USP6NL: variants seen among roughly 807,000 people sequenced by gnomAD.
USP6NL encodes USP6 N-terminal-like protein.
A neutral mutation model predicts 61.9 loss-of-function variants in USP6NL; 26 were observed. The observed-to-expected ratio is 0.42, with a 90% CI of 0.31 to 0.58. USP6NL has a LOEUF of 0.58. USP6NL is among the 20% of genes least tolerant of loss of function. USP6NL has a pLI of 0.16. For synonymous variants in USP6NL, 432 were observed against 390.1 expected, an observed-to-expected ratio of 1.11 and a Z score of -1.27; for missense variants, 1,114 against 1,034.3, an observed-to-expected ratio of 1.08 and a Z score of -1.06.
In USP6NL at chr10:11,465,072, T is replaced by C. The variant is rs1832391036; in HGVS notation, c.1079-1223A>G. On this transcript the variant is annotated intron_variant, in intron 14 of 14. Coordinates refer to ENST00000609104, the MANE Select transcript of USP6NL (RefSeq NM_014688.5). This position sits in a 1 kb window ranked among gnomAD's most constrained non-coding sequence, Gnocchi z 4.5. Reference sequence around the variant, plus strand: ...TCATCCATTTAGTCCCAGATAAATATATGAATGCCTTCTTCCCTGTAGGCA... The same window carrying C: ...TCATCCATTTAGTCCCAGATAAATACATGAATGCCTTCTTCCCTGTAGGCA... Among the ~76,000 whole-genome samples the C allele has an allele frequency of 1.3e-5, 2 of 152,220 alleles. No individual in the cohort carries two copies. Among genetic ancestry groups the C allele is most frequent in the Admixed American group, 6.5e-5 (1 of 15,292 alleles).
Position 11,587,502 on chromosome 10 carries a change from C to T in USP6NL, c.4+10129G>A, listed in dbSNP as rs1838016481. ...AATATGACCCATAAATCTCTACAGCCTAATCAGAATCAGAGTCTTAAAATG... is the reference window on the plus strand; with the variant it reads ...AATATGACCCATAAATCTCTACAGCTTAATCAGAATCAGAGTCTTAAAATG... On this transcript the variant is annotated intron_variant, in intron 2 of 14. Transcript: ENST00000609104. This position sits in a 1 kb window ranked among gnomAD's most constrained non-coding sequence, Gnocchi z 4.5. Among the ~76,000 whole-genome samples the T allele has an allele frequency of 6.6e-6, 1 of 152,106 alleles. No individual in the cohort carries two copies. The highest frequency in any genetic ancestry group is 2.4e-5 in the African/African-American group (1 of 41,428).
chr10:11,516,375 T>C (rs1834958419), intron 5 of USP6NL, among the ~76,000 whole-genome samples: 3 of 152,252 alleles, frequency 2.0e-5, no homozygotes, highest in Non-Finnish European at 4.4e-5. Context: ...CTATCATTTC[T>C]AGACTTTATT....
In USP6NL at chr10:11,462,804, C is replaced by T. The variant is rs1295732831; in HGVS notation, c.2124G>A (p.Gly708=). The T allele has an allele frequency of 6.2e-7, 1 of 1,613,844 alleles. No individual in the cohort carries two copies. Among genetic ancestry groups the T allele is most frequent in the African/African-American group, 1.3e-5 (1 of 74,888 alleles). Reference sequence around the variant, plus strand: ...GTGACCCTGAATTGCCCGAATATCCCCCAGCACCAGTGTCAACAGGGAGGA... The same window carrying T: ...GTGACCCTGAATTGCCCGAATATCCTCCAGCACCAGTGTCAACAGGGAGGA... ...IEVLPVDTGA[G]GYSGNSGSPK... Residue 708 remains glycine, a synonymous_variant, in exon 15 of 15, where the codon GGG becomes GGA. Coordinates refer to ENST00000609104, the MANE Select transcript of USP6NL (RefSeq NM_014688.5).
In USP6NL at chr10:11,489,532, C is replaced by T. The variant is rs1304855116; in HGVS notation, c.544-310G>A. ...CACTTTATGTATGATTCTTAGCTCA[C>T]TATTCCTCTTCTTTGCTCAGTTGCT... On this transcript the variant is annotated intron_variant, in intron 9 of 14. Coordinates refer to ENST00000609104, the MANE Select transcript of USP6NL (RefSeq NM_014688.5). The surrounding 1 kb of genome is among the most constrained non-coding windows in gnomAD (Gnocchi z 5.7). Among the ~76,000 whole-genome samples, 5 of 152,228 alleles carry T rather than the reference C, an allele frequency of 3.3e-5. No individual in the cohort carries two copies.
rs1415812709 is a variant in USP6NL, at chr10:11,562,842, G to C, written c.4+34789C>G. 1 of 937,904 alleles carries C rather than the reference G, an allele frequency of 1.1e-6. No homozygotes were observed. Among genetic ancestry groups the C allele is most frequent in the African/African-American group, 1.8e-5 (1 of 56,096 alleles). The allele number at this position is 937,904 out of a possible 1,614,324, so 58.1% of individuals were successfully genotyped here. On this transcript the variant is annotated intron_variant, in intron 2 of 14. Coordinates refer to ENST00000609104, the MANE Select transcript of USP6NL (RefSeq NM_014688.5). This position sits in a 1 kb window ranked among gnomAD's most constrained non-coding sequence, Gnocchi z 4.8. The stretch of plus-strand genomic sequence containing the variant: ...TAAGTTTTAGAAGAATAATAGTAAG[G>C]GTCTTTTGGTAGTTTCTTGAAAAAG...
intron 1 of USP6NL, among the ~76,000 whole-genome samples, chr10:11,610,452 A>T (rs1041042065): frequency 3.3e-5 from 5 of 152,184 alleles, no homozygotes. Flanking sequence ...CCAGAGACTC[A>T]ATATAGGAGG....
chr10:11,469,934 T>A (rs1002988485), intron 14 of USP6NL, among the ~76,000 whole-genome samples: 10 of 151,598 alleles, frequency 6.6e-5, no homozygotes, highest in Admixed American at 5.9e-4. Flanking sequence ...AACGCTGCGA[T>A]TATGCCATCT....
Position 11,518,238 on chromosome 10 carries a change from T to C in USP6NL, c.195+297A>G, listed in dbSNP as rs1465882449. On this transcript the variant is annotated intron_variant, in intron 5 of 14. Transcript: ENST00000609104. The surrounding 1 kb of genome is among the most constrained non-coding windows in gnomAD (Gnocchi z 5.3). ...ACCCAGAGAGGCTGATTTCACAGAC[T>C]GAGGTGGGAGCTGGGCAGCTGTGCT... Among the ~76,000 whole-genome samples the C allele has an allele frequency of 6.6e-6, 1 of 152,192 alleles. No individual in the cohort carries two copies. The highest frequency in any genetic ancestry group is 1.9e-4 in the East Asian group (1 of 5,204).
intron 2 of USP6NL, among the ~76,000 whole-genome samples, chr10:11,541,731 A>G (rs1194495875): frequency 6.6e-6 from 1 of 152,196 alleles, no homozygotes; most frequent in African/African-American, 2.4e-5. Context: ...GAACTGAGCC[A>G]TCTGAAGCCT....
rs1023146145 is a variant in USP6NL, at chr10:11,589,693, C to G, written c.4+7938G>C. On this transcript the variant is annotated intron_variant, in intron 2 of 14. Transcript: ENST00000609104. The surrounding 1 kb of genome is among the most constrained non-coding windows in gnomAD (Gnocchi z 4.7). ...GCATCCTATAAATTCCATTTCTATT[C>G]CACTCTTCTAACATCTAAAACAGGC... 1.3e-5 allele frequency among the ~76,000 whole-genome samples: 2 copies of G among 152,168 alleles called. No homozygotes were observed. The highest frequency in any genetic ancestry group is 2.9e-5 in the Non-Finnish European group (2 of 68,026).
intron 2 of USP6NL, among the ~76,000 whole-genome samples, chr10:11,572,878 A>G (rs1460674556): frequency 1.3e-5 from 2 of 152,114 alleles, no homozygotes; most frequent in African/African-American, 2.4e-5. Flanking sequence ...ATCATTTTAG[A>G]ATTGTACTAT....
In USP6NL at chr10:11,518,554, T is replaced by C. The variant is rs1248454022; in HGVS notation, c.176A>G (p.His59Arg). The C allele has an allele frequency of 1.2e-6, 2 of 1,613,108 alleles. No homozygotes were observed. The highest frequency in any genetic ancestry group is 1.7e-5 in the Admixed American group (1 of 59,814). ...ACTTACCCGTTCCACAGCCACATTA[T>C]GATCTGGGAGCTCCTCCTCACTGCA... ...GFLHEEELPD[H>R]NVAVERQKHL... is the part of the protein sequence containing the mutation. The change falls in exon 5 of 15, where the codon CAT becomes CGT. Residue 59 changes from histidine (H) to arginine (R), a missense_variant. Transcript: ENST00000609104. The surrounding 1 kb of genome is among the most constrained non-coding windows in gnomAD (Gnocchi z 5.3).
At chr10:11,507,831 A>G (rs546286067) in intron 6 of USP6NL, among the ~76,000 whole-genome samples, 5 of 152,182 alleles carry the variant, frequency 3.3e-5, no homozygotes, top group Non-Finnish European at 5.9e-5. Context: ...TCCTCACAAC[A>G]AGCCTAATGG....
chr10:11,462,655 C>T lies in USP6NL; in HGVS notation c.2273G>A (p.Arg758His), dbSNP rs751925366. 2.0e-5 allele frequency: 33 copies of T among 1,613,964 alleles called. No homozygotes were observed. The highest frequency in any genetic ancestry group is 2.8e-5 in the Non-Finnish European group (33 of 1,179,878). ...QGQSWTRDAS[R>H]GNLPKYSAFQ... The stretch of plus-strand genomic sequence containing the variant: ...GGCTGAGTATTTTGGTAAATTGCCA[C>T]GGCTAGCATCTCGGGTCCATGATTG... The change falls in exon 15 of 15, where the codon CGT becomes CAT. Residue 758 changes from arginine (R) to histidine (H), a missense_variant. Physicochemically the swap from Arg to His is conservative, Grantham distance 29. Coordinates refer to ENST00000609104, the MANE Select transcript of USP6NL (RefSeq NM_014688.5).
rs1359804916 is a variant in USP6NL, at chr10:11,525,880, G to A, written c.73-412C>T. Among the ~76,000 whole-genome samples the A allele has an allele frequency of 1.3e-5, 2 of 152,300 alleles. No individual in the cohort carries two copies. Among genetic ancestry groups the A allele is most frequent in the East Asian group, 3.9e-4 (2 of 5,188 alleles). ...TTTGCCTTTTTATGCAAACTCCTTA[G>A]AGAAGCAGGCAGAGAAGCTCCTCGT... On this transcript the variant is annotated intron_variant, in intron 3 of 14. Transcript: ENST00000609104. The surrounding 1 kb of genome is among the most constrained non-coding windows in gnomAD (Gnocchi z 5.0).
intron 7 of USP6NL, among the ~76,000 whole-genome samples, chr10:11,498,003 C>T (rs562419039): frequency 2.1e-4 from 32 of 151,894 alleles, no homozygotes; most frequent in African/African-American, 7.0e-4. Context: ...TTTGGGAGGC[C>T]AAGGCGGGTG....
intron 14 of USP6NL, among the ~76,000 whole-genome samples, chr10:11,472,963 TAG>T (rs1591819198): frequency 6.6e-6 from 1 of 152,208 alleles, no homozygotes; most frequent in Non-Finnish European, 1.5e-5. Context: ...CTTTGTCTCC[TAG>T]AGTTTCAATT....
chr10:11,557,355 A>G (rs1836747237), intron 2 of USP6NL, among the ~76,000 whole-genome samples: 2 of 152,322 alleles, frequency 1.3e-5, no homozygotes, highest in South Asian at 4.1e-4. Flanking sequence ...AATACCCAAC[A>G]CTTAATAGCA....
Position 11,481,118 on chromosome 10 carries a change from C to G in USP6NL, c.1078+652G>C, listed in dbSNP as rs1347317883. On this transcript the variant is annotated intron_variant, in intron 14 of 14. Coordinates refer to ENST00000609104, the MANE Select transcript of USP6NL (RefSeq NM_014688.5). This position sits in a 1 kb window ranked among gnomAD's most constrained non-coding sequence, Gnocchi z 4.4. ...TATATTCTAGCTCTCCAGTGCACACCCTGAGAGCTTCTCATCTTTCTCTTC... is the reference window on the plus strand; with the variant it reads ...TATATTCTAGCTCTCCAGTGCACACGCTGAGAGCTTCTCATCTTTCTCTTC... Among the ~76,000 whole-genome samples, 2 of 152,152 alleles carry G rather than the reference C, an allele frequency of 1.3e-5. No individual in the cohort carries two copies. The highest frequency in any genetic ancestry group is 2.4e-5 in the African/African-American group (1 of 41,424).
Sources: gnomAD v4.1 joint callset for allele counts (sites outside exome capture counted in the v4.1 genomes callset) on GRCh38, gnomAD v4.1.1 for gene constraint, Gnocchi (gnomAD v3.1) non-coding constraint, MANE v1.5 for transcripts, NCBI Gene and HGNC (gene_info 2026-07-23, HGNC 2026-07-21) for gene names.